The following HGSNAT variants were observed in gnomAD, a reference collection of about 807,000 sequenced individuals.
HGSNAT encodes heparan-alpha-glucosaminide N-acetyltransferase, also known as transmembrane protein 76.
HGSNAT carries 59 observed loss-of-function variants against 85.2 expected under a neutral mutation model. The observed-to-expected ratio is 0.69, with a 90% CI of 0.56 to 0.86. The LOEUF (loss-of-function observed/expected upper bound fraction) is 0.86. Ranked by LOEUF, HGSNAT falls within the 40% of genes least tolerant of loss-of-function variation. HGSNAT has a pLI of 0.00. For missense variants in HGSNAT, 756 were observed against 777.1 expected (o/e 0.97, Z 0.32); for synonymous variants, 321 against 304.5 (o/e 1.05, Z -0.56).
chr8:43,198,002 G>C, intron 17 of HGSNAT, 50 bp downstream of exon 17: 1 of 1,344,228 alleles, frequency 7.4e-7, no homozygotes, highest in Non-Finnish European at 1.1e-6. Context: ...CCAGGAGGCA[G>C]GCCCAGGGAC....
intron 2 of HGSNAT, among the ~76,000 whole-genome samples, 171 bp downstream of exon 2, chr8:43,147,234 A>C (rs938584232): frequency 2.0e-5 from 3 of 152,230 alleles, no homozygotes; most frequent in Non-Finnish European, 4.4e-5. Flanking sequence ...ATGCCTAGGA[A>C]TGCACAGCAT....
At chr8:43,197,397 A>G in intron 15 of HGSNAT, 1 of 546,996 alleles carries the variant, frequency 1.8e-6, no homozygotes, top group Non-Finnish European at 3.2e-6. Flanking sequence ...TGTTCATTTC[A>G]TCCTGACCGC....
At chr8:43,157,705 G>T (rs955813752) in intron 2 of HGSNAT, among the ~76,000 whole-genome samples, 6 of 152,152 alleles carry the variant, frequency 3.9e-5, no homozygotes, top group Non-Finnish European at 8.8e-5. Context: ...TTGAGCCTGG[G>T]AGGTGAAGGT....
At chr8:43,159,656 C>T (rs1803208590) in intron 4 of HGSNAT, among the ~76,000 whole-genome samples, 1 of 152,152 alleles carries the variant, frequency 6.6e-6, no homozygotes, top group Non-Finnish European at 1.5e-5. Context: ...ATTAATAAGC[C>T]AAAAATGTTA....
At position 43,182,226 on chromosome 8, in the gene HGSNAT, T is replaced by A. The variant is rs779909759; in HGVS notation, c.1094T>A (p.Leu365His). The change falls in exon 11 of 18, where the codon CTC (leucine) becomes CAC (histidine). Residue 365 changes from leucine to histidine, a missense_variant. Transcript: ENST00000379644. ...TYFVVAVLEL[L>H]FAKPVPEHCA... is the part of the protein sequence containing the mutation. ...TTTGTGGTTGCTGTGTTGGAGCTCC[T>A]CTTTGCTAAACCTGTGCCTGAACAT... 6.2e-7 allele frequency: 1 copy of A among 1,613,978 alleles called. No individual in the cohort carries two copies. The highest frequency in any genetic ancestry group is 1.1e-5 in the South Asian group (1 of 91,084).
At chr8:43,196,603 T>C in intron 14 of HGSNAT, 1 of 1,064,570 alleles carries the variant, frequency 9.4e-7, no homozygotes, top group Admixed American at 2.3e-5. Flanking sequence ...AGTGGAGATG[T>C]GGTGTGGCTA....
intron 10 of HGSNAT, among the ~76,000 whole-genome samples, chr8:43,181,160 A>G (rs1430854506): frequency 0.016 from 1 of 62 alleles, no homozygotes; most frequent in African/African-American, 0.042. Flanking sequence ...AGGGAGAGGG[A>G]GAGGGAGAGG....
chr8:43,174,251 A>G (rs935275106), intron 9 of HGSNAT: 2 of 152,272 alleles, frequency 1.3e-5, no homozygotes, highest in African/African-American at 4.8e-5. Context: ...AAGTGATTTT[A>G]TAGGGAATAT....
At chr8:43,194,781 G>A (rs1201200373) in intron 14 of HGSNAT, among the ~76,000 whole-genome samples, 3 of 152,168 alleles carry the variant, frequency 2.0e-5, no homozygotes, top group Non-Finnish European at 2.9e-5. Flanking sequence ...GAATGGGATT[G>A]TTGCCCTTAT....
Position 43,199,844 on chromosome 8 carries a change from A to G in HGSNAT, c.*275A>G, listed in dbSNP as rs1453045981. On this transcript the variant is annotated 3_prime_UTR_variant, in exon 18 of 18. Coordinates refer to ENST00000379644, the MANE Select transcript of HGSNAT (RefSeq NM_152419.3). Reference sequence around the variant, plus strand: ...GTCTTTGGAACTTCATTCCGAGGAGATAAGCTTTAACTTTCCAAAAGGGAA... The same window carrying G: ...GTCTTTGGAACTTCATTCCGAGGAGGTAAGCTTTAACTTTCCAAAAGGGAA... 3.9e-6 allele frequency: 1 copy of G among 255,562 alleles called. No homozygotes were observed. The highest frequency in any genetic ancestry group is 7.4e-6 in the Non-Finnish European group (1 of 135,814). 15.8% of individuals were successfully genotyped at this position (255,562 alleles called of 1,614,324 possible). A position where few individuals can be genotyped will look rare whatever the true frequency, so the allele number is the denominator to read the frequency against.
intron 17 of HGSNAT, among the ~76,000 whole-genome samples, chr8:43,198,988 G>C (rs1052229358): frequency 6.6e-6 from 1 of 152,034 alleles, no homozygotes; most frequent in Non-Finnish European, 1.5e-5. Flanking sequence ...TGCAACCTCC[G>C]CCTCCCAGGT....
chr8:43,175,301 C>G (rs1363121245), intron 9 of HGSNAT, among the ~76,000 whole-genome samples: 2 of 152,138 alleles, frequency 1.3e-5, no homozygotes, highest in African/African-American at 2.4e-5. Flanking sequence ...GAACCTCTAA[C>G]CTATTGTCCA....
At chr8:43,182,317 G>C (rs750410463) in intron 11 of HGSNAT, 57 bp downstream of exon 11, 48 of 1,315,028 alleles carry the variant, frequency 3.7e-5, no homozygotes, top group Non-Finnish European at 4.8e-5. Flanking sequence ...AAAATGTATT[G>C]TGTGGTGATA....
In HGSNAT at chr8:43,146,936, A is replaced by G. The variant is rs1402937492; in HGVS notation, c.119-12A>G. 1.3e-6 allele frequency: 2 copies of G among 1,481,944 alleles called. No homozygotes were observed. Among genetic ancestry groups the G allele is most frequent in the Non-Finnish European group, 9.2e-7 (1 of 1,092,454 alleles). 91.8% of individuals were successfully genotyped at this position (1,481,944 alleles called of 1,614,324 possible). ...TTTTTTTTTTTTTTTAACTTTTCCT[A>G]ATTTCTACCAGACTTAGACAAAAAA... On this transcript the variant is annotated splice_polypyrimidine_tract_variant and intron_variant, in intron 1 of 17. Transcript: ENST00000379644.
In HGSNAT at chr8:43,170,699, G is replaced by T; in HGVS notation, c.743+5G>T. 1 of 1,582,240 alleles carries T rather than the reference G, an allele frequency of 6.3e-7. No individual in the cohort carries two copies. Among genetic ancestry groups the T allele is most frequent in the South Asian group, 1.1e-5 (1 of 87,590 alleles). ...CAGCGTGGACACCTTCAGGGGGTATGTGGGCCTCCCTGTAGCACAGTGGGT... is the reference window on the plus strand; with the variant it reads ...CAGCGTGGACACCTTCAGGGGGTATTTGGGCCTCCCTGTAGCACAGTGGGT... On this transcript the variant is annotated splice_donor_5th_base_variant and intron_variant, in intron 7 of 17. Transcript: ENST00000379644.
intron 11 of HGSNAT, among the ~76,000 whole-genome samples, chr8:43,188,842 T>C (rs1804419599): frequency 1.3e-5 from 2 of 152,216 alleles, no homozygotes; most frequent in Non-Finnish European, 2.9e-5. Flanking sequence ...GTGGATGTCC[T>C]TTTTGTTTGT....
chr8:43,144,164 G>GACAAAAAAAA (rs1802640995), intron 1 of HGSNAT, among the ~76,000 whole-genome samples: 1 of 151,102 alleles, frequency 6.6e-6, no homozygotes, highest in Admixed American at 6.6e-5. Flanking sequence ...TACAAAAAAA[G>GACAAAAAAAA]ACAAAAAAAA....
At position 43,140,541 on chromosome 8, in the gene HGSNAT, G is replaced by A. The variant is rs1351688097; in HGVS notation, c.45G>A (p.Ala15=). Residue 15 remains alanine (A), a synonymous_variant, in exon 1 of 18, where the codon GCG becomes GCA. Transcript: ENST00000379644. Reference sequence around the variant, plus strand: ...CGCTGGCCGCGCTGCTGCTGGCCGCGTCCGTGCTGAGCGCCGCGCTGCTGG... The same window carrying A: ...CGCTGGCCGCGCTGCTGCTGGCCGCATCCGTGCTGAGCGCCGCGCTGCTGG... ...GRALAALLLA[A]SVLSAALLAP... 3.5e-6 allele frequency: 4 copies of A among 1,158,036 alleles called. No homozygotes were observed. Among genetic ancestry groups the A allele is most frequent in the African/African-American group, 1.6e-5 (1 of 60,994 alleles). 71.7% of individuals were successfully genotyped at this position (1,158,036 alleles called of 1,614,324 possible). A position where few individuals can be genotyped will look rare whatever the true frequency, so the allele number is the denominator to read the frequency against.
intron 1 of HGSNAT, among the ~76,000 whole-genome samples, chr8:43,141,894 T>G (rs1435248457): frequency 6.6e-6 from 1 of 152,158 alleles, no homozygotes; most frequent in Non-Finnish European, 1.5e-5. Flanking sequence ...TATTAGCTTA[T>G]CAAAGGGCAC....
Sources: allele counts gnomAD v4.1 joint callset (sites outside exome capture counted in the v4.1 genomes callset), GRCh38; gene constraint gnomAD v4.1.1; transcripts MANE v1.5; gene names NCBI Gene and HGNC (gene_info 2026-07-23, HGNC 2026-07-21).